The following PPFIA2 variants were observed in gnomAD, a reference collection of about 807,000 sequenced individuals.
PPFIA2 encodes PPFI scaffold protein A2.
PPFIA2 carries 46 observed loss-of-function variants against 175.5 expected under a neutral mutation model. The ratio of observed to expected loss-of-function variants is 0.26; its 90% CI spans 0.21 to 0.34. The LOEUF is 0.34. Among genes scored for constraint, PPFIA2 ranks in the 10% least tolerant of loss-of-function variants. PPFIA2 has a pLI of 1.00. For synonymous variants in PPFIA2, 568 were observed against 511.4 expected, an observed-to-expected ratio of 1.11 and a Z score of -1.49; for missense variants, 1,179 against 1,506.1, an observed-to-expected ratio of 0.78 and a Z score of 3.60.
chr12:81,618,522 G>A (rs1056566480), intron 4 of PPFIA2, among the ~76,000 whole-genome samples: 18 of 145,072 alleles, frequency 1.2e-4, no homozygotes, highest in African/African-American at 4.6e-4. Flanking sequence ...TGATACCCAT[G>A]GCACTTTTTT....
intron 4 of PPFIA2, among the ~76,000 whole-genome samples, chr12:81,641,608 G>A (rs1264559810): frequency 6.6e-6 from 1 of 152,046 alleles, no homozygotes; most frequent in African/African-American, 2.4e-5. Context: ...GGGGATGAAG[G>A]ACCCCACAAT....
chr12:81,488,633 T>C (rs1399657706), intron 4 of PPFIA2, among the ~76,000 whole-genome samples: 1 of 151,876 alleles, frequency 6.6e-6, no homozygotes, highest in African/African-American at 2.4e-5. Flanking sequence ...GTGCTCTTCC[T>C]TGCCCTGTCT....
intron 8 of PPFIA2, among the ~76,000 whole-genome samples, chr12:81,403,836 G>A (rs574858845): frequency 7.2e-4 from 110 of 152,200 alleles, no homozygotes; most frequent in Middle Eastern, 3.4e-3. Flanking sequence ...GAAGAATCAG[G>A]GCAGAAGTAC....
Position 81,457,860 on chromosome 12 carries a change from C to A in PPFIA2, c.310G>T (p.Ala104Ser). Reference protein sequence around the residue: ...GSKGADPPEFAALTKELNACR... With the variant: ...GSKGADPPEFSALTKELNACR... ...GCATTTAATTCTTTTGTCAGTGCAG[C>A]AAATTCCTGGAAAAGTAATAAAAAT... The change falls in exon 5 of 33, where the codon GCT becomes TCT. Residue 104 changes from alanine to serine, a missense_variant. This residue lies in a region of PPFIA2 where 128 missense variants were observed against 141.4 expected (regional missense o/e 0.91). Coordinates refer to ENST00000549396, the MANE Select transcript of PPFIA2 (RefSeq NM_003625.5). 2 of 1,575,468 alleles carry A rather than the reference C, an allele frequency of 1.3e-6. No individual in the cohort carries two copies. The highest frequency in any genetic ancestry group is 1.7e-6 in the Non-Finnish European group (2 of 1,161,882).
At chr12:81,340,258 C>G (rs973970249) in intron 20 of PPFIA2, among the ~76,000 whole-genome samples, 2 of 151,994 alleles carry the variant, frequency 1.3e-5, no homozygotes, top group African/African-American at 4.8e-5. Flanking sequence ...AAAGAAATGA[C>G]TGCCAACACA....
intron 12 of PPFIA2, 65 bp from the exon 13 acceptor site, chr12:81,368,921 TGC>T: frequency 6.6e-7 from 1 of 1,522,100 alleles, no homozygotes. Flanking sequence ...TTTATAGTGT[TGC>T]TAGTTTTAAA....
intron 23 of PPFIA2, among the ~76,000 whole-genome samples, chr12:81,298,665 T>C (rs915574201): frequency 1.3e-5 from 2 of 152,210 alleles, no homozygotes; most frequent in Non-Finnish European, 2.9e-5. Context: ...TCCGTCAATG[T>C]CAAGGTCAGT....
chr12:81,734,860 A>G (rs903014487), intron 3 of PPFIA2, among the ~76,000 whole-genome samples: 5 of 151,806 alleles, frequency 3.3e-5, no homozygotes, highest in African/African-American at 7.2e-5. Context: ...GCAAACTTTA[A>G]TCTCCTTTCC....
chr12:81,514,170 T>A (rs536957892), intron 4 of PPFIA2, among the ~76,000 whole-genome samples: 3 of 151,934 alleles, frequency 2.0e-5, no homozygotes, highest in Non-Finnish European at 2.9e-5. Context: ...CCCAGTCAAG[T>A]TCCCCCCCTG....
At chr12:81,692,109 G>GACACACACAGAC (rs1555609031) in intron 3 of PPFIA2, among the ~76,000 whole-genome samples, 8 of 149,298 alleles carry the variant, frequency 5.4e-5, no homozygotes, top group Non-Finnish European at 8.9e-5. Context: ...CACAAACACA[G>GACACACACAGAC]ACACACACAC....
At chr12:81,377,455 A>T (rs990562231) in intron 9 of PPFIA2, among the ~76,000 whole-genome samples, 1 of 151,800 alleles carries the variant, frequency 6.6e-6, no homozygotes, top group African/African-American at 2.4e-5. Context: ...AGAGAGGCCG[A>T]GGCCTGAGAA....
chr12:81,398,671 T>TA (rs1446805305), intron 8 of PPFIA2, among the ~76,000 whole-genome samples: 5 of 152,118 alleles, frequency 3.3e-5, no homozygotes, highest in African/African-American at 1.2e-4. Flanking sequence ...GCCGCTTTGT[T>TA]AATGAGGTTT....
intron 4 of PPFIA2, among the ~76,000 whole-genome samples, chr12:81,566,530 C>CCAAAA (rs2071326846): frequency 1.5e-5 from 1 of 68,456 alleles, no homozygotes. Flanking sequence ...GACTCCAACT[C>CCAAAA]AAAAAAAAAA....
At chr12:81,694,823 T>G (rs1332600010) in intron 3 of PPFIA2, among the ~76,000 whole-genome samples, 1 of 152,152 alleles carries the variant, frequency 6.6e-6, no homozygotes, top group African/African-American at 2.4e-5. Flanking sequence ...GTGCTTAACT[T>G]TGCAAAGACA....
intron 22 of PPFIA2, among the ~76,000 whole-genome samples, chr12:81,318,070 C>G (rs2052805059): frequency 2.0e-5 from 3 of 151,622 alleles, no homozygotes; most frequent in African/African-American, 7.2e-5. Flanking sequence ...TGACTTCTGG[C>G]CTAAGGTCTT....
At chr12:81,413,558 C>G (rs750254531) in intron 7 of PPFIA2, among the ~76,000 whole-genome samples, 2 of 151,744 alleles carry the variant, frequency 1.3e-5, no homozygotes, top group Non-Finnish European at 3.0e-5. Context: ...AGGAGGCTAG[C>G]AGCAGGATCA....
chr12:81,541,142 T>C (rs1412261414), intron 4 of PPFIA2, among the ~76,000 whole-genome samples: 9 of 152,166 alleles, frequency 5.9e-5, no homozygotes, highest in African/African-American at 2.2e-4. Flanking sequence ...TCAGTGTTGA[T>C]ACATGTTGTT....
chr12:81,682,472 T>C (rs144472036), intron 3 of PPFIA2, among the ~76,000 whole-genome samples: 193 of 152,118 alleles, frequency 1.3e-3, no homozygotes, highest in African/African-American at 4.5e-3. Context: ...AGTTTTTAGA[T>C]TCTTTGGGAA....
intron 4 of PPFIA2, among the ~76,000 whole-genome samples, chr12:81,512,689 T>TA (rs1175832281): frequency 2.0e-5 from 3 of 151,950 alleles, no homozygotes; most frequent in African/African-American, 4.8e-5. Flanking sequence ...CTCACTCCCC[T>TA]CCCATTCTTC....
Sources: gnomAD v4.1 joint callset for allele counts (sites outside exome capture counted in the v4.1 genomes callset) on GRCh38, gnomAD v4.1.1 for gene constraint, gnomAD v4.1.1 regional missense constraint, MANE v1.5 for transcripts, NCBI Gene and HGNC (gene_info 2026-07-23, HGNC 2026-07-21) for gene names.